PNLIPRP3: variants seen among roughly 807,000 people sequenced by gnomAD.
PNLIPRP3 encodes the protein pancreatic lipase-related protein 3.
PNLIPRP3 carries 58 observed loss-of-function variants against 52.8 expected under a neutral mutation model. The ratio of observed to expected loss-of-function variants is 1.10; its 90% CI spans 0.89 to 1.37. PNLIPRP3 has a LOEUF of 1.37. Ranked by LOEUF, PNLIPRP3 falls within the 40% of genes most tolerant of loss-of-function variation. PNLIPRP3 has a pLI of 0.00. For missense variants in PNLIPRP3, 593 were observed against 561.6 expected, an observed-to-expected ratio of 1.06 and a Z score of -0.57; for synonymous variants, 192 against 185.0, an observed-to-expected ratio of 1.04 and a Z score of -0.31.
chr10:116,464,014 A>G (rs1229074992), intron 7 of PNLIPRP3, among the ~76,000 whole-genome samples: 3 of 152,086 alleles, frequency 2.0e-5, no homozygotes, highest in South Asian at 2.1e-4. Context: ...AAGAAGAAAG[A>G]AAAGAAAGAA....
intron 10 of PNLIPRP3, among the ~76,000 whole-genome samples, chr10:116,472,105 A>T (rs986037760): frequency 6.6e-6 from 1 of 152,228 alleles, no homozygotes; most frequent in African/African-American, 2.4e-5. Flanking sequence ...TTAGGAAGTG[A>T]TAACATGAAA....
chr10:116,461,361 C>A (rs1178662109), intron 7 of PNLIPRP3, 71 bp downstream of exon 7: 1 of 1,525,940 alleles, frequency 6.6e-7, no homozygotes, highest in East Asian at 2.3e-5. Flanking sequence ...TGGGATCCAC[C>A]TACTTTTGTG....
chr10:116,436,325 C>T (rs1446405191), intron 1 of PNLIPRP3, among the ~76,000 whole-genome samples: 4 of 152,124 alleles, frequency 2.6e-5, no homozygotes, highest in Non-Finnish European at 4.4e-5. Flanking sequence ...GAACCCTTAC[C>T]TTATGCCATA....
intron 4 of PNLIPRP3, among the ~76,000 whole-genome samples, chr10:116,449,661 T>C (rs1398019086): frequency 6.6e-6 from 1 of 152,162 alleles, no homozygotes; most frequent in African/African-American, 2.4e-5. Context: ...ATTATCTGAT[T>C]TTCAATAATG....
At chr10:116,439,513 CT>C (rs201814657) in intron 2 of PNLIPRP3, 7 of 784,494 alleles carry the variant, frequency 8.9e-6, no homozygotes, top group South Asian at 1.4e-5. Flanking sequence ...TCCTCTTCCA[CT>C]TTTTTCCGGG....
In PNLIPRP3 at chr10:116,466,105, A is replaced by G. The variant is rs2133150727; in HGVS notation, c.864A>G (p.Glu288=). 8 of 1,613,912 alleles carry G rather than the reference A, an allele frequency of 5.0e-6. No homozygotes were observed. Among genetic ancestry groups the G allele is most frequent in the South Asian group, 3.3e-5 (3 of 91,082 alleles). Reference sequence around the variant, plus strand: ...CCCGAAGTTATCAATTTTATGCTGAAAGCATTCTTAATCCTGATGCATTTA... The same window carrying G: ...CCCGAAGTTATCAATTTTATGCTGAGAGCATTCTTAATCCTGATGCATTTA... ...NHARSYQFYA[E]SILNPDAFIA... Residue 288 remains glutamate (E), a synonymous_variant, in exon 8 of 12, where the codon GAA becomes GAG. Transcript: ENST00000369230.
chr10:116,466,585 ATTATT>A (rs1846285200), intron 8 of PNLIPRP3, among the ~76,000 whole-genome samples: 1 of 152,218 alleles, frequency 6.6e-6, no homozygotes, highest in African/African-American at 2.4e-5. Flanking sequence ...GAACATGAAA[ATTATT>A]TTATTAAAAT....
intron 3 of PNLIPRP3, 26 bp downstream of exon 3, chr10:116,443,200 A>C: frequency 6.3e-7 from 1 of 1,595,154 alleles, no homozygotes; most frequent in South Asian, 1.1e-5. Flanking sequence ...GCTCCTTTTT[A>C]CACTAGCATG....
intron 3 of PNLIPRP3, among the ~76,000 whole-genome samples, chr10:116,443,763 G>A (rs200530794): frequency 0.82 from 103,184 of 126,582 alleles, 44,008 homozygotes; most frequent in Non-Finnish European, 0.94. Flanking sequence ...GTGTGTGTGT[G>A]TATGTGTGTG....
intron 4 of PNLIPRP3, among the ~76,000 whole-genome samples, 196 bp downstream of exon 4, chr10:116,444,709 A>G (rs1845918636): frequency 6.6e-6 from 1 of 152,228 alleles, no homozygotes; most frequent in African/African-American, 2.4e-5. Flanking sequence ...TTGAAGCACC[A>G]CTAGGTGGCA....
At chr10:116,448,242 T>TA (rs1406474164) in intron 4 of PNLIPRP3, among the ~76,000 whole-genome samples, 1 of 152,010 alleles carries the variant, frequency 6.6e-6, no homozygotes, top group Non-Finnish European at 1.5e-5. Flanking sequence ...GGATACACAA[T>TA]AAAAAAGACG....
chr10:116,471,992 A>C lies in PNLIPRP3; in HGVS notation c.1172+113A>C. On this transcript the variant is annotated intron_variant, in intron 10 of 11. Transcript: ENST00000369230. ...CTCTTTTCCTACAATTCCACAGGCT[A>C]CCATGGTATCTTTGATTTTTCTTTT... 6.7e-6 allele frequency: 4 copies of C among 595,358 alleles called. No homozygotes were observed. The South Asian group carries it at 1.1e-4, about 17-fold the overall frequency. The allele number at this position is 595,358 out of a possible 1,614,324, so 36.9% of individuals were successfully genotyped here. A position where few individuals can be genotyped will look rare whatever the true frequency, so the allele number is the denominator to read the frequency against.
Position 116,439,967 on chromosome 10 carries a change from GTTC to G in PNLIPRP3, c.205-3083_205-3081del, listed in dbSNP as rs947461232. 7 of 838,358 alleles carry G rather than the reference GTTC, an allele frequency of 8.3e-6. No individual in the cohort carries two copies. In the African/African-American group the frequency reaches 1.2e-4, roughly 14 times the overall value. The allele number at this position is 838,358 out of a possible 1,614,324, so 51.9% of individuals were successfully genotyped here. ...GGGACCTCTGGGTTTTTCTTCTTAT[GTTC>G]TTCTCTGCACGTCTGCACGAAGAAG... On this transcript the variant is annotated intron_variant, in intron 2 of 11. Transcript: ENST00000369230.
chr10:116,465,321 C>G (rs888918387), intron 7 of PNLIPRP3, among the ~76,000 whole-genome samples: 2 of 152,010 alleles, frequency 1.3e-5, no homozygotes. Context: ...GGGTGGATCA[C>G]GAGGTCAGAT....
chr10:116,471,997 G>A, intron 10 of PNLIPRP3, 118 bp downstream of exon 10: 1 of 565,510 alleles, frequency 1.8e-6, no homozygotes, highest in Non-Finnish European at 3.1e-6. Flanking sequence ...AGGCTACCAT[G>A]GTATCTTTGA....
rs747073128 is a variant in PNLIPRP3 at position 116,476,738 on chromosome 10, G to T, written c.1259G>T (p.Trp420Leu). The T allele has an allele frequency of 1.9e-6, 3 of 1,610,048 alleles. No individual in the cohort carries two copies. The highest frequency in any genetic ancestry group is 2.2e-5 in the South Asian group (2 of 90,334). Residue 420 changes from tryptophan to leucine, a missense_variant, in exon 11 of 12, where the codon TGG (tryptophan) becomes TTG (leucine). Coordinates refer to ENST00000369230, the MANE Select transcript of PNLIPRP3 (RefSeq NM_001011709.3). ...AACATTACAAGTGTTCAGTTCATCT[G>T]GAAAAAACATTTGTTTGAAGATTCT... ...VGNITSVQFI[W>L]KKHLFEDSQN...
chr10:116,459,721 T>A (rs777612350), intron 5 of PNLIPRP3, among the ~76,000 whole-genome samples: 1 of 152,202 alleles, frequency 6.6e-6, no homozygotes, highest in Non-Finnish European at 1.5e-5. Flanking sequence ...CACCTTACCT[T>A]TGCCCTGGCC....
chr10:116,461,663 C>A (rs1243489935), intron 7 of PNLIPRP3, among the ~76,000 whole-genome samples: 1 of 152,164 alleles, frequency 6.6e-6, no homozygotes, highest in Non-Finnish European at 1.5e-5. Flanking sequence ...AGTTCATTTT[C>A]TAACTTGTTA....
At chr10:116,437,830 T>G (rs1377137938) in intron 2 of PNLIPRP3, among the ~76,000 whole-genome samples, 1 of 152,142 alleles carries the variant, frequency 6.6e-6, no homozygotes, top group East Asian at 1.9e-4. Context: ...ACATTTCAAG[T>G]GCTCAATAGC....
Sources: gnomAD v4.1 joint callset for allele counts (sites outside exome capture counted in the v4.1 genomes callset) on GRCh38, gnomAD v4.1.1 for gene constraint, MANE v1.5 for transcripts, NCBI Gene and HGNC (gene_info 2026-07-23, HGNC 2026-07-21) for gene names.